Variants in FCRL5 observed in about 807,000 individuals in gnomAD.
The protein encoded by FCRL5 is Fc receptor-like protein 5.
FCRL5 carries 79 observed loss-of-function variants against 92.1 expected under a neutral mutation model. The ratio of observed to expected loss-of-function variants is 0.86; its 90% confidence interval spans 0.72 to 1.03. The LOEUF is 1.03. Among genes scored for constraint, FCRL5 ranks in the 50% least tolerant of loss-of-function variants. FCRL5 has a pLI of 0.00. For synonymous variants in FCRL5, 466 were observed against 469.3 expected (o/e 0.99, Z 0.09); for missense variants, 1,160 against 1,181.1 (o/e 0.98, Z 0.26).
intron 7 of FCRL5, among the ~76,000 whole-genome samples, chr1:157,536,521 T>C (rs1453149901): frequency 6.6e-6 from 1 of 152,254 alleles, no homozygotes; most frequent in African/African-American, 2.4e-5. Flanking sequence ...CCCACTGTAC[T>C]GCTGGAGTGG....
At chr1:157,547,500 C>A (rs1354246997) in intron 2 of FCRL5, 57 of 509,660 alleles carry the variant, frequency 1.1e-4, no homozygotes, top group Non-Finnish European at 3.6e-5. Context: ...ATCAATGCTG[C>A]GCTGCCATTT....
chr1:157,529,909 A>G (rs4971128), intron 8 of FCRL5, among the ~76,000 whole-genome samples: 110,053 of 152,142 alleles, frequency 0.72, 42,895 homozygotes, highest in South Asian at 0.86. Flanking sequence ...GGAAATTACT[A>G]CTAAAGAAGT....
At chr1:157,532,290 A>C (rs543590526) in intron 8 of FCRL5, 2 of 152,152 alleles carry the variant, frequency 1.3e-5, no homozygotes, top group African/African-American at 4.8e-5. Context: ...GTTCTCTCCT[A>C]TGTGACTCTA....
chr1:157,520,218 C>G (rs1650113545), intron 12 of FCRL5, among the ~76,000 whole-genome samples: 1 of 152,152 alleles, frequency 6.6e-6, no homozygotes, highest in Non-Finnish European at 1.5e-5. Flanking sequence ...AACTACATCT[C>G]ATCAAGACGT....
At chr1:157,545,621 C>T (rs998106473) in intron 3 of FCRL5, among the ~76,000 whole-genome samples, 2 of 150,916 alleles carry the variant, frequency 1.3e-5, no homozygotes, top group African/African-American at 4.9e-5. Context: ...CTCCATCTCC[C>T]GGGTTCATGC....
At position 157,520,331 on chromosome 1, in the gene FCRL5, T is replaced by C; in HGVS notation, c.2632+100A>G. ...GGATTGAGGGACAGAGCGGATGAGC[T>C]CTTGCGAGCCTGGGATGGTCACAAA... On this transcript the variant is annotated intron_variant, in intron 12 of 16. Coordinates refer to ENST00000361835, the MANE Select transcript of FCRL5 (RefSeq NM_031281.3). 6.2e-6 allele frequency: 5 copies of C among 808,388 alleles called. No individual in the cohort carries two copies. In the South Asian group the frequency reaches 8.3e-5, roughly 13 times the overall value. 50.1% of individuals were successfully genotyped at this position (808,388 alleles called of 1,614,324 possible).
intron 5 of FCRL5, among the ~76,000 whole-genome samples, chr1:157,543,767 G>C (rs1283683826): frequency 6.6e-6 from 1 of 152,142 alleles, no homozygotes; most frequent in Non-Finnish European, 1.5e-5. Context: ...ATGTAATCTG[G>C]GGTGCATATT....
intron 3 of FCRL5, among the ~76,000 whole-genome samples, chr1:157,546,640 A>T (rs1324095446): frequency 6.6e-6 from 1 of 152,206 alleles, no homozygotes; most frequent in Non-Finnish European, 1.5e-5. Flanking sequence ...GTAGGTCCTG[A>T]GTATCTGTAT....
intron 8 of FCRL5, chr1:157,534,045 A>G (rs1650821158): frequency 4.8e-6 from 1 of 206,478 alleles, no homozygotes; most frequent in East Asian, 1.2e-4. Context: ...CGTTTCTTGA[A>G]TGTATGTCAT....
At chr1:157,543,956 T>C (rs1446004951) in intron 5 of FCRL5, among the ~76,000 whole-genome samples, 4 of 150,718 alleles carry the variant, frequency 2.7e-5, no homozygotes, top group African/African-American at 9.8e-5. Flanking sequence ...CCACAGCCCA[T>C]GGCTTATCCC....
chr1:157,518,835 T>C (rs2101592816), intron 13 of FCRL5, 53 bp from the exon 14 acceptor site: 3 of 1,458,016 alleles, frequency 2.1e-6, no homozygotes, highest in Non-Finnish European at 2.8e-6. Context: ...AAAGTAGCTA[T>C]AATGATCACT....
chr1:157,536,796 C>A (rs1253022837), intron 7 of FCRL5, among the ~76,000 whole-genome samples: 1 of 152,212 alleles, frequency 6.6e-6, no homozygotes, highest in Non-Finnish European at 1.5e-5. Flanking sequence ...AATGGAGGGA[C>A]CAACTGAAGC....
In FCRL5 at chr1:157,515,740, C is replaced by G; in HGVS notation, c.2869G>C (p.Val957Leu). 3 of 1,613,902 alleles carry G rather than the reference C, an allele frequency of 1.9e-6. No individual in the cohort carries two copies. Among genetic ancestry groups the G allele is most frequent in the African/African-American group, 1.3e-5 (1 of 74,930 alleles). Residue 957 changes from valine to leucine, a missense_variant, in exon 17 of 17, where the codon GTT (valine) becomes CTT (leucine). By Grantham distance (32) the Val-to-Leu change is conservative. Coordinates refer to ENST00000361835, the MANE Select transcript of FCRL5 (RefSeq NM_031281.3). ...NKGSPIIYSEVKVASTPVSGS... is the reference protein window; with the variant it reads ...NKGSPIIYSELKVASTPVSGS... ...GAAACCGGGGTTGACGCCACCTTAA[C>G]TTCAGAGTAGATGATAGGGGAACCC...
chr1:157,547,092 T>A lies in FCRL5; in HGVS notation c.158A>T (p.Gln53Leu). Residue 53 changes from glutamine to leucine, a missense_variant, in exon 3 of 17, where the codon CAG becomes CTG. By Grantham distance (113) the Gln-to-Leu change is moderately radical. Transcript: ENST00000361835. Reference protein sequence around the residue: ...TCKGFRFYSPQKTKWYHRYLG... With the variant: ...TCKGFRFYSPLKTKWYHRYLG... ...GTACCGATGGTACCATTTTGTTTTC[T>A]GTGGTGAGTAGAAGCGAAATCCCTT... The A allele has an allele frequency of 1.2e-6, 2 of 1,614,206 alleles. No individual in the cohort carries two copies. The highest frequency in any genetic ancestry group is 1.7e-6 in the Non-Finnish European group (2 of 1,180,038).
Position 157,539,079 on chromosome 1 carries a change from G to A in FCRL5, c.1402+7C>T. 6.2e-7 allele frequency: 1 copy of A among 1,611,362 alleles called. No individual in the cohort carries two copies. The highest frequency in any genetic ancestry group is 8.5e-7 in the Non-Finnish European group (1 of 1,178,956). On this transcript the variant is annotated splice_region_variant and intron_variant, in intron 7 of 16. Coordinates refer to ENST00000361835, the MANE Select transcript of FCRL5 (RefSeq NM_031281.3). ...GGGTGGGTGATTGGCAGGAACCCAG[G>A]GCTTACCAGTGACGGAGAGGCTCAC...
chr1:157,529,499 G>A (rs754516855), intron 8 of FCRL5, among the ~76,000 whole-genome samples: 3 of 152,234 alleles, frequency 2.0e-5, no homozygotes, highest in East Asian at 1.9e-4. Context: ...TTGCACAAAC[G>A]TGTTTATAGC....
rs200007862 is a variant in FCRL5 at position 157,549,518 on chromosome 1, C to T, written c.52+42G>A. On this transcript the variant is annotated intron_variant, in intron 2 of 16. Coordinates refer to ENST00000361835, the MANE Select transcript of FCRL5 (RefSeq NM_031281.3). ...TTTCTATTTATTAGGAAGAGACACT[C>T]TTAACCAGAGACGCTGAAGAGCCAA... is the stretch of plus-strand genomic sequence containing the variant. The T allele has an allele frequency of 2.1e-4, 338 of 1,593,558 alleles. 2 individuals carry two copies. The highest frequency in any genetic ancestry group is 1.0e-3 in the Middle Eastern group (6 of 5,952).
At chr1:157,533,511 C>A (rs536718163) in intron 8 of FCRL5, 1 of 151,668 alleles carries the variant, frequency 6.6e-6, no homozygotes, top group Non-Finnish European at 1.5e-5. Context: ...TTTTTTAAAT[C>A]CCCTCTTATC....
chr1:157,543,720 G>T (rs1651380767), intron 5 of FCRL5, among the ~76,000 whole-genome samples: 1 of 152,182 alleles, frequency 6.6e-6, no homozygotes, highest in African/African-American at 2.4e-5. Flanking sequence ...TAATAGCTTT[G>T]AAGGAAGGAT....
Sources: gnomAD v4.1 joint callset for allele counts (sites outside exome capture counted in the v4.1 genomes callset) on GRCh38, gnomAD v4.1.1 for gene constraint, MANE v1.5 for transcripts, NCBI Gene and HGNC (gene_info 2026-07-23, HGNC 2026-07-21) for gene names.